PTPRS: variants seen among roughly 807,000 people sequenced by gnomAD.
The protein encoded by PTPRS is protein tyrosine phosphatase receptor type S, also known as receptor-type tyrosine-protein phosphatase S.
PTPRS carries 63 observed loss-of-function variants against 215.3 expected under a neutral mutation model. The ratio of observed to expected loss-of-function variants is 0.29; its 90% CI spans 0.24 to 0.36. PTPRS has a LOEUF of 0.36. Ranked by LOEUF, PTPRS falls within the 10% of genes least tolerant of loss-of-function variation. PTPRS has a pLI of 1.00. For missense variants in PTPRS, 2,258 were observed against 2,825.8 expected (o/e 0.80, Z 4.56); for synonymous variants, 1,404 against 1,191.4 (o/e 1.18, Z -3.68).
At chr19:5,265,273 C>T in intron 4 of PTPRS, 77 bp from the exon 5 acceptor site, 1 of 1,389,026 alleles carries the variant, frequency 7.2e-7, no homozygotes, top group Non-Finnish European at 9.8e-7. Context: ...GGCTCAGGGA[C>T]TGCCTGGCCA....
At chr19:5,226,394 G>A (rs537980336) in intron 16 of PTPRS, among the ~76,000 whole-genome samples, 2 of 152,320 alleles carry the variant, frequency 1.3e-5, no homozygotes, top group East Asian at 3.9e-4. Context: ...AAATTTTCAG[G>A]AATTTTGTGA....
rs1363057483 is a variant in PTPRS, at chr19:5,265,050, C to T, written c.526G>A (p.Asp176Asn). 1.2e-6 allele frequency: 2 copies of T among 1,614,026 alleles called. No individual in the cohort carries two copies. Among genetic ancestry groups the T allele is most frequent in the Non-Finnish European group, 1.7e-6 (2 of 1,180,010 alleles). ...ATGCGTCCATTGCTGGCACTAGGAT[C>T]CACAGGCAGGAAGTCCTTGAACCAG... ...ITWFKDFLPV[D>N]PSASNGRIKQ... The change falls in exon 5 of 38, where the codon GAT becomes AAT. Residue 176 changes from aspartate to asparagine, a missense_variant. Transcript: ENST00000262963.
At chr19:5,298,046 G>A (rs1050005479) in intron 1 of PTPRS, among the ~76,000 whole-genome samples, 5 of 151,924 alleles carry the variant, frequency 3.3e-5, no homozygotes, top group South Asian at 2.1e-4. Context: ...CGCCCGCCTC[G>A]GCCTCCCAAA....
At chr19:5,325,306 G>A (rs1320630514) in intron 1 of PTPRS, among the ~76,000 whole-genome samples, 4 of 152,220 alleles carry the variant, frequency 2.6e-5, no homozygotes, top group African/African-American at 9.6e-5. Flanking sequence ...CAGCTGCAAG[G>A]TGCACTGAGA....
rs1162555089 is a variant in PTPRS at position 5,210,225 on chromosome 19, G to A, written c.5487+244C>T. Reference sequence around the variant, plus strand: ...AGAGGAAAGCCCCATTCACTTCCTTGAATATCATCCCCTGGGGCCATGTTC... The same window carrying A: ...AGAGGAAAGCCCCATTCACTTCCTTAAATATCATCCCCTGGGGCCATGTTC... On this transcript the variant is annotated intron_variant, in intron 35 of 37. Coordinates refer to ENST00000262963, the MANE Select transcript of PTPRS (RefSeq NM_002850.4). The surrounding 1 kb of genome is among the most constrained non-coding windows in gnomAD (Gnocchi z 4.5). Among the ~76,000 whole-genome samples the A allele has an allele frequency of 1.3e-5, 2 of 152,148 alleles. No homozygotes were observed. Among genetic ancestry groups the A allele is most frequent in the Admixed American group, 6.5e-5 (1 of 15,280 alleles).
intron 25 of PTPRS, 54 bp downstream of exon 25, chr19:5,218,366 C>A: frequency 8.5e-6 from 13 of 1,533,928 alleles, no homozygotes; most frequent in Admixed American, 1.8e-5. Context: ...TACTGCTTCT[C>A]CCCAGCTATC....
intron 1 of PTPRS, among the ~76,000 whole-genome samples, chr19:5,328,338 G>C (rs1436626229): frequency 6.6e-6 from 1 of 151,964 alleles, no homozygotes; most frequent in Non-Finnish European, 1.5e-5. Context: ...TCAAACTCCT[G>C]ACCTCAGGTG....
chr19:5,248,722 G>C (rs545961599), intron 9 of PTPRS, among the ~76,000 whole-genome samples: 1 of 152,368 alleles, frequency 6.6e-6, no homozygotes, highest in East Asian at 1.9e-4. Context: ...AACTCCTCAA[G>C]GTCTCTGAAT....
chr19:5,252,873 C>CAAAAAAAAAA, intron 9 of PTPRS, among the ~76,000 whole-genome samples: 1 of 45,698 alleles, frequency 2.2e-5, no homozygotes, highest in Non-Finnish European at 4.4e-5. Flanking sequence ...AACTCCATCT[C>CAAAAAAAAAA]AAAAAAAAAA....
chr19:5,216,772 A>G lies in PTPRS; in HGVS notation c.4049-5T>C. The G allele has an allele frequency of 1.9e-6, 3 of 1,557,124 alleles. No homozygotes were observed. The highest frequency in any genetic ancestry group is 2.6e-6 in the Non-Finnish European group (3 of 1,146,168). On this transcript the variant is annotated splice_region_variant and splice_polypyrimidine_tract_variant and intron_variant, in intron 25 of 37. Coordinates refer to ENST00000262963, the MANE Select transcript of PTPRS (RefSeq NM_002850.4). ...GGGGGCTCCTGAGGCCTGAATCTGC[A>G]AACAGCAAACAATAAATAAATGAAA...
chr19:5,238,069 G>A (rs983870632), intron 13 of PTPRS, among the ~76,000 whole-genome samples: 2 of 152,228 alleles, frequency 1.3e-5, no homozygotes, highest in African/African-American at 2.4e-5. Context: ...AGGGAAGAGG[G>A]GGAAGCAGGG....
At chr19:5,330,428 A>C (rs1263100819) in intron 1 of PTPRS, among the ~76,000 whole-genome samples, 1 of 152,206 alleles carries the variant, frequency 6.6e-6, no homozygotes, top group Non-Finnish European at 1.5e-5. Context: ...AGCGGCCCCC[A>C]CCACGGGGGA....
At chr19:5,219,535 C>T (rs1272094899) in intron 22 of PTPRS, 68 bp from the exon 23 acceptor site, 1 of 1,483,420 alleles carries the variant, frequency 6.7e-7, no homozygotes, top group Non-Finnish European at 8.9e-7. Context: ...GGGTCTTTCT[C>T]AAACATGAAC....
Position 5,211,130 on chromosome 19 carries a change from C to T in PTPRS, c.5235-325G>A, listed in dbSNP as rs140111607. ...CTTGCGTGGGCCAAGCTCTCAGCCC[C>T]GGGCCTTTGCACATGTGGCACCCTC... On this transcript the variant is annotated intron_variant, in intron 33 of 37. Transcript: ENST00000262963. Among the ~76,000 whole-genome samples, 237 of 152,356 alleles carry T rather than the reference C, an allele frequency of 1.6e-3. 1 individual carries two copies. The highest frequency in any genetic ancestry group is 2.5e-3 in the Admixed American group (39 of 15,302).
rs199955163 is a variant in PTPRS, at chr19:5,212,247, G to C, written c.4773C>G (p.Ala1591=). 1 of 1,610,020 alleles carries C rather than the reference G, an allele frequency of 6.2e-7. No homozygotes were observed. Residue 1591 remains alanine (A), a synonymous_variant, in exon 32 of 38, where the codon GCC becomes GCG. Coordinates refer to ENST00000262963, the MANE Select transcript of PTPRS (RefSeq NM_002850.4). Reference sequence around the variant, plus strand: ...TAAAGCAGCCTGTGCGGCCCACACCGGCACTGCAGGGACAGCCACGTGGCG... The same window carrying C: ...TAAAGCAGCCTGTGCGGCCCACACCCGCACTGCAGGGACAGCCACGTGGCG... ...DAGPIVVHCS[A]GVGRTGCFIV...
At position 5,221,248 on chromosome 19, in the gene PTPRS, C is replaced by T; in HGVS notation, c.3207G>A (p.Gln1069=). The change falls in exon 20 of 38, where the codon CAG becomes CAA. Residue 1069 remains glutamine (Q), a synonymous_variant. Transcript: ENST00000262963. ...NYNSPTPYKI[Q]YNGLTLDVDG... ...CCACATCCAGTGTGAGCCCATTGTA[C>T]TGGATCTGCGGACCAGGGCTAGCTC... 1 of 1,611,844 alleles carries T rather than the reference C, an allele frequency of 6.2e-7. No individual in the cohort carries two copies. The highest frequency in any genetic ancestry group is 8.5e-7 in the Non-Finnish European group (1 of 1,178,590).
At chr19:5,264,272 C>T (rs1355341777) in intron 5 of PTPRS, among the ~76,000 whole-genome samples, 1 of 152,200 alleles carries the variant, frequency 6.6e-6, no homozygotes, top group African/African-American at 2.4e-5. Flanking sequence ...ACACAGCTTC[C>T]ACTACTCCTG....
chr19:5,225,946 G>T, intron 16 of PTPRS, 102 bp from the exon 17 acceptor site: 1 of 930,942 alleles, frequency 1.1e-6, no homozygotes, highest in Non-Finnish European at 1.7e-6. Flanking sequence ...TGCAGGGCCC[G>T]GATCAGGGGT....
Position 5,243,959 on chromosome 19 carries a change from G to T in PTPRS, c.1512C>A (p.Phe504Leu). ...DETYTVRVLAFTSVGDGPLSD... is the reference protein window; with the variant it reads ...DETYTVRVLALTSVGDGPLSD... ...AGAGGGGCCCGTCGCCGACGGAGGT[G>T]AAGGCGAGCACCCGCACGGTGTAGG... The change falls in exon 11 of 38, where the codon TTC becomes TTA. Residue 504 changes from phenylalanine (F) to leucine (L), a missense_variant. Physicochemically the swap from Phe to Leu is conservative, Grantham distance 22. This residue lies in a region of PTPRS where 508 missense variants were observed against 799.4 expected (regional missense o/e 0.64). Coordinates refer to ENST00000262963, the MANE Select transcript of PTPRS (RefSeq NM_002850.4). 6.3e-7 allele frequency: 1 copy of T among 1,592,340 alleles called. No homozygotes were observed.
Sources: gnomAD v4.1 joint callset for allele counts (sites outside exome capture counted in the v4.1 genomes callset) on GRCh38, gnomAD v4.1.1 for gene constraint, gnomAD v4.1.1 regional missense constraint, Gnocchi (gnomAD v3.1) non-coding constraint, MANE v1.5 for transcripts, NCBI Gene and HGNC (gene_info 2026-07-23, HGNC 2026-07-21) for gene names.